SLC20A1: variants seen among roughly 807,000 people sequenced by gnomAD.
The protein encoded by SLC20A1 is sodium-dependent phosphate transporter 1.
Under a neutral mutation model 62.7 loss-of-function variants are expected in SLC20A1, and 28 were observed. The observed-to-expected ratio is 0.45, with a 90% confidence interval of 0.33 to 0.61. The LOEUF (loss-of-function observed/expected upper bound fraction) is 0.61. Ranked by LOEUF, SLC20A1 falls within the 20% of genes least tolerant of loss-of-function variation. The pLI is 0.02. For synonymous variants in SLC20A1, 305 were observed against 302.9 expected (o/e 1.01, Z -0.07); for missense variants, 673 against 838.6 (o/e 0.80, Z 2.44).
At chr2:112,661,378 G>C (rs56917737) in intron 10 of SLC20A1, 152 bp downstream of exon 10, 2 of 566,032 alleles carry the variant, frequency 3.5e-6, no homozygotes, top group Non-Finnish European at 6.3e-6. Context: ...TCTTATTTAA[G>C]CAATTAAATA....
chr2:112,658,604 T>A (rs1270225630), intron 6 of SLC20A1: 1 of 471,792 alleles, frequency 2.1e-6, no homozygotes, highest in South Asian at 3.7e-5. Flanking sequence ...ACAGAAAAAT[T>A]TTGGGACCCC....
intron 5 of SLC20A1, among the ~76,000 whole-genome samples, chr2:112,655,407 G>A (rs909795525): frequency 6.6e-6 from 1 of 151,766 alleles, no homozygotes; most frequent in Non-Finnish European, 1.5e-5. Context: ...TAACCTCATT[G>A]TAAGTTGAGG....
At chr2:112,656,093 T>TA (rs1686576786) in intron 5 of SLC20A1, among the ~76,000 whole-genome samples, 1 of 152,084 alleles carries the variant, frequency 6.6e-6, no homozygotes, top group African/African-American at 2.4e-5. Flanking sequence ...TACTCATTCT[T>TA]AAACCATGTG....
intron 5 of SLC20A1, among the ~76,000 whole-genome samples, chr2:112,655,482 T>G (rs934059697): frequency 6.6e-6 from 1 of 150,950 alleles, no homozygotes; most frequent in Non-Finnish European, 1.5e-5. Flanking sequence ...ACTAAGCTAT[T>G]CCTAGATATC....
intron 5 of SLC20A1, among the ~76,000 whole-genome samples, chr2:112,655,224 C>T (rs1402911197): frequency 1.3e-5 from 2 of 152,052 alleles, no homozygotes; most frequent in East Asian, 1.9e-4. Context: ...GGACCTCAGC[C>T]TCCCAAAGTG....
chr2:112,651,604 C>G (rs1214488818), intron 4 of SLC20A1, among the ~76,000 whole-genome samples: 2 of 152,070 alleles, frequency 1.3e-5, no homozygotes, highest in Non-Finnish European at 2.9e-5. Context: ...GACAGGGTTT[C>G]ACCGTATTAC....
Position 112,647,294 on chromosome 2 carries a change from TTTAC to T in SLC20A1, c.335-26_335-23del, listed in dbSNP as rs757223415. The T allele has an allele frequency of 1.4e-5, 22 of 1,605,864 alleles. No individual in the cohort carries two copies. In the African/African-American group the frequency reaches 1.7e-4, roughly 13 times the overall value. ...CCACTTACATAATGGAATTTTGATATTTACTTAATAAAACTTTACTATGTTTCAG... is the reference window on the plus strand; with the variant it reads ...CCACTTACATAATGGAATTTTGATATTTAATAAAACTTTACTATGTTTCAG... On this transcript the variant is annotated intron_variant, in intron 2 of 10. Transcript: ENST00000272542.
At chr2:112,648,491 TC>T (rs1686344468) in intron 4 of SLC20A1, among the ~76,000 whole-genome samples, 3 of 152,192 alleles carry the variant, frequency 2.0e-5, no homozygotes, top group Non-Finnish European at 2.9e-5. Context: ...CTCTTAACAA[TC>T]CATTGTAAGT....
chr2:112,649,098 A>G (rs1457287790), intron 4 of SLC20A1, among the ~76,000 whole-genome samples: 2 of 152,200 alleles, frequency 1.3e-5, no homozygotes, highest in Non-Finnish European at 2.9e-5. Context: ...CCTCCACAAA[A>G]CACTTATTCC....
intron 5 of SLC20A1, among the ~76,000 whole-genome samples, chr2:112,654,929 A>T (rs1372294708): frequency 1.3e-5 from 2 of 150,508 alleles, no homozygotes; most frequent in Non-Finnish European, 3.0e-5. Context: ...AAACAAAAAA[A>T]GTTTTAGTTT....
At chr2:112,650,403 G>A (rs564202521) in intron 4 of SLC20A1, among the ~76,000 whole-genome samples, 35 of 151,668 alleles carry the variant, frequency 2.3e-4, no homozygotes, top group African/African-American at 8.5e-4. Context: ...CACGATCTGG[G>A]CTTACTGCAA....
Position 112,663,115 on chromosome 2 carries a change from A to G in SLC20A1, c.*90A>G. 6.9e-7 allele frequency: 1 copy of G among 1,440,930 alleles called. No individual in the cohort carries two copies. Among genetic ancestry groups the G allele is most frequent in the East Asian group, 2.3e-5 (1 of 43,954 alleles). 89.3% of individuals were successfully genotyped at this position (1,440,930 alleles called of 1,614,324 possible). A position where few individuals can be genotyped will look rare whatever the true frequency, so the allele number is the denominator to read the frequency against. The stretch of plus-strand genomic sequence containing the variant: ...AGAATGATTACAGTGTTAACAGAAG[A>G]CTGACAAGAGTCTTTTTATTTGGGA... On this transcript the variant is annotated 3_prime_UTR_variant, in exon 11 of 11. Transcript: ENST00000272542.
In SLC20A1 at chr2:112,659,694, C is replaced by T; in HGVS notation, c.1539C>T (p.Leu513=). Reference sequence around the variant, plus strand: ...ACCAGGATAAGCCTGAAGTCTCTCTCCTCTTCCAGTTCCTGCAGATCCTTA... The same window carrying T: ...ACCAGGATAAGCCTGAAGTCTCTCTTCTCTTCCAGTTCCTGCAGATCCTTA... ...WYDQDKPEVS[L]LFQFLQILTA... Residue 513 remains leucine (L), a synonymous_variant, in exon 8 of 11, where the codon CTC becomes CTT. Transcript: ENST00000272542. The T allele has an allele frequency of 6.2e-7, 1 of 1,614,220 alleles. No homozygotes were observed.
intron 10 of SLC20A1, among the ~76,000 whole-genome samples, chr2:112,662,020 GT>G (rs1214163096): frequency 2.0e-5 from 3 of 152,160 alleles, no homozygotes; most frequent in Non-Finnish European, 4.4e-5. Context: ...TGGCAAAGCA[GT>G]TTATTTACAG....
At chr2:112,649,353 GCA>G (rs756694660) in intron 4 of SLC20A1, among the ~76,000 whole-genome samples, 13 of 152,148 alleles carry the variant, frequency 8.5e-5, no homozygotes, top group Non-Finnish European at 1.5e-4. Flanking sequence ...CTGTGCACGT[GCA>G]CACACACACT....
rs114783429 is a variant in SLC20A1, at chr2:112,658,724, C to T, written c.779-101C>T. On this transcript the variant is annotated intron_variant, in intron 6 of 10. Transcript: ENST00000272542. ...ATGTTAATTGAAGTTCACATACATT[C>T]TTGTTTTGAGATGAGTTTTTTGGGG... 2.8e-3 allele frequency: 3,650 copies of T among 1,283,580 alleles called. 84 individuals carry two copies. The African/African-American group carries it at 0.049, about 17-fold the overall frequency. The allele number at this position is 1,283,580 out of a possible 1,614,324, so 79.5% of individuals were successfully genotyped here.
At chr2:112,652,912 C>T (rs1349155966) in intron 5 of SLC20A1, 114 bp downstream of exon 5, 23 of 1,596,170 alleles carry the variant, frequency 1.4e-5, no homozygotes, top group Non-Finnish European at 2.0e-5. Flanking sequence ...TAGAAGGTGG[C>T]TGGCCTGCGC....
Position 112,658,967 on chromosome 2 carries a change from C to G in SLC20A1, c.921C>G (p.Pro307=). The change falls in exon 7 of 11, where the codon CCC becomes CCG. Residue 307 remains proline (P), a synonymous_variant. Coordinates refer to ENST00000272542, the MANE Select transcript of SLC20A1 (RefSeq NM_005415.5). ...CTGAGGTAGGGCCTGCCACTGTGCC[C>G]CTCCAGGCTGTGGTGGAGGAGAGAA... ...PVSEVGPATV[P]LQAVVEERTV... The G allele has an allele frequency of 6.2e-7, 1 of 1,614,128 alleles. No homozygotes were observed. The highest frequency in any genetic ancestry group is 8.5e-7 in the Non-Finnish European group (1 of 1,180,030).
intron 5 of SLC20A1, among the ~76,000 whole-genome samples, chr2:112,656,055 CAT>C (rs1427849562): frequency 1.8e-4 from 27 of 152,146 alleles, no homozygotes; most frequent in African/African-American, 6.5e-4. Context: ...TACTGGCGTG[CAT>C]ATGACAGTCA....
Sources: allele counts gnomAD v4.1 joint callset (sites outside exome capture counted in the v4.1 genomes callset), GRCh38; gene constraint gnomAD v4.1.1; transcripts MANE v1.5; gene names NCBI Gene and HGNC (gene_info 2026-07-23, HGNC 2026-07-21).